Variants in BPNT2 observed in about 807,000 individuals in gnomAD.
The protein encoded by BPNT2 is 3'(2'), 5'-bisphosphate nucleotidase 2, also known as Golgi-resident adenosine 3',5'-bisphosphate 3'-phosphatase.
BPNT2 carries 11 observed loss-of-function variants against 29.3 expected under a neutral mutation model. The ratio of observed to expected loss-of-function variants is 0.38; its 90% CI spans 0.24 to 0.62. The LOEUF is 0.62. Ranked by LOEUF, BPNT2 falls within the 20% of genes least tolerant of loss-of-function variation. BPNT2 has a pLI of 0.62. For synonymous variants in BPNT2, 195 were observed against 187.7 expected, an observed-to-expected ratio of 1.04 and a Z score of -0.32; for missense variants, 459 against 473.4, an observed-to-expected ratio of 0.97 and a Z score of 0.28.
At chr8:56,988,019 C>G (rs1390594341) in intron 1 of BPNT2, among the ~76,000 whole-genome samples, 1 of 152,138 alleles carries the variant, frequency 6.6e-6, no homozygotes, top group Admixed American at 6.5e-5. Flanking sequence ...TGAGCCACCA[C>G]GCCAGGCCTC....
chr8:56,979,976 G>A, intron 2 of BPNT2, 59 bp downstream of exon 2: 1 of 1,526,382 alleles, frequency 6.6e-7, no homozygotes, highest in South Asian at 1.1e-5. Flanking sequence ...GTATGCCTTG[G>A]TTCTGGTTCT....
chr8:56,993,432 G>C lies in BPNT2; in HGVS notation c.154C>G (p.Pro52Ala), dbSNP rs745353531. Residue 52 changes from proline to alanine, a missense_variant, in exon 1 of 5, where the codon CCC (proline) becomes GCC (alanine). Transcript: ENST00000262644. The part of the protein sequence containing the change: ...GGEPGGGAAG[P>A]AAAADGGTVD... ...GTGCCCCCATCGGCCGCGGCCGCGG[G>C]CCCCGCCGCGCCGCCGCCAGGCTCG... is the stretch of plus-strand genomic sequence containing the variant. The C allele has an allele frequency of 2.7e-6, 4 of 1,478,372 alleles. No homozygotes were observed. In the African/African-American group the frequency reaches 5.9e-5, roughly 22 times the overall value. 91.6% of individuals were successfully genotyped at this position (1,478,372 alleles called of 1,614,324 possible).
chr8:56,991,601 G>C (rs1481284788), intron 1 of BPNT2, among the ~76,000 whole-genome samples: 1 of 152,172 alleles, frequency 6.6e-6, no homozygotes, highest in Non-Finnish European at 1.5e-5. Flanking sequence ...GTTCATATAA[G>C]CTGGAGTGTC....
chr8:56,992,338 C>G (rs1563413098), intron 1 of BPNT2, among the ~76,000 whole-genome samples: 1 of 152,144 alleles, frequency 6.6e-6, no homozygotes, highest in Non-Finnish European at 1.5e-5. Context: ...CTACGCTATG[C>G]TGAGCTCTTC....
chr8:56,983,653 C>T (rs1806282578), intron 1 of BPNT2, among the ~76,000 whole-genome samples: 1 of 152,112 alleles, frequency 6.6e-6, no homozygotes, highest in Non-Finnish European at 1.5e-5. Flanking sequence ...AAAGAAAAAC[C>T]AATCCATAAT....
At chr8:56,968,386 G>C (rs368046968) in intron 3 of BPNT2, among the ~76,000 whole-genome samples, 2 of 138,002 alleles carry the variant, frequency 1.4e-5, no homozygotes, top group African/African-American at 5.3e-5. Flanking sequence ...GAAAGTGATA[G>C]ATTAAAAAAA....
chr8:56,980,991 T>C (rs1806232503), intron 1 of BPNT2, among the ~76,000 whole-genome samples: 1 of 146,072 alleles, frequency 6.8e-6, no homozygotes, highest in African/African-American at 2.5e-5. Context: ...CAGATTCCTT[T>C]AAATTGAGAT....
chr8:56,992,989 G>A (rs1020837247), intron 1 of BPNT2, among the ~76,000 whole-genome samples: 3 of 152,084 alleles, frequency 2.0e-5, no homozygotes, highest in Non-Finnish European at 4.4e-5. Flanking sequence ...GACCCAGGAC[G>A]AGCCAAAAGG....
In BPNT2 at chr8:56,963,624, T is replaced by G; in HGVS notation, c.*169A>C. ...GAGACACAAAGCAACCCATTTTCCC[T>G]GATTTTGCATTCTATTACAGGGAAA... On this transcript the variant is annotated 3_prime_UTR_variant, in exon 5 of 5. Coordinates refer to ENST00000262644, the MANE Select transcript of BPNT2 (RefSeq NM_017813.5). 1 of 673,792 alleles carries G rather than the reference T, an allele frequency of 1.5e-6. No homozygotes were observed. Among genetic ancestry groups the G allele is most frequent in the Non-Finnish European group, 2.5e-6 (1 of 397,820 alleles). 41.7% of individuals were successfully genotyped at this position (673,792 alleles called of 1,614,324 possible). A position where few individuals can be genotyped will look rare whatever the true frequency, so the allele number is the denominator to read the frequency against.
At position 56,959,142 on chromosome 8, in the gene BPNT2, GA is replaced by G. The variant is rs1444384957; in HGVS notation, c.*4650del. 6.6e-5 allele frequency: 10 copies of G among 151,994 alleles called. No individual in the cohort carries two copies. The highest frequency in any genetic ancestry group is 6.5e-4 in the Admixed American group (10 of 15,268). The allele number at this position is 151,994 out of a possible 1,614,324, so 9.4% of individuals were successfully genotyped here. On this transcript the variant is annotated 3_prime_UTR_variant, in exon 5 of 5. Transcript: ENST00000262644. ...AAATTGTTAATTATGATACTTAAGG[GA>G]ACCCTTACAATATATAACAAGTCAT...
Position 56,957,999 on chromosome 8 carries a change from A to T in BPNT2, c.*5794T>A, listed in dbSNP as rs1167152890. ...TTGGCAAAGTATATCCGGGGCAGAG[A>T]GTTTGGGATAATTATGTCATTGGAA... On this transcript the variant is annotated 3_prime_UTR_variant, in exon 5 of 5. Transcript: ENST00000262644. 6.6e-6 allele frequency: 1 copy of T among 152,082 alleles called. No homozygotes were observed. The highest frequency in any genetic ancestry group is 2.4e-5 in the African/African-American group (1 of 41,410). The allele number at this position is 152,082 out of a possible 1,614,324, so 9.4% of individuals were successfully genotyped here.
intron 3 of BPNT2, among the ~76,000 whole-genome samples, chr8:56,966,888 A>G (rs1307975315): frequency 6.6e-6 from 1 of 152,236 alleles, no homozygotes; most frequent in African/African-American, 2.4e-5. Flanking sequence ...TTTGAATATT[A>G]GCTCAATCTC....
chr8:56,990,628 G>C (rs147831170), intron 1 of BPNT2, among the ~76,000 whole-genome samples: 26 of 152,268 alleles, frequency 1.7e-4, no homozygotes, highest in African/African-American at 6.0e-4. Flanking sequence ...AAATGGAGCA[G>C]ATAATTCTTC....
chr8:56,992,508 C>T (rs1403635743), intron 1 of BPNT2, among the ~76,000 whole-genome samples: 1 of 152,112 alleles, frequency 6.6e-6, no homozygotes, highest in Non-Finnish European at 1.5e-5. Context: ...CAGAAACCTA[C>T]CCAAAGAAAA....
rs1185903497 is a variant in BPNT2 at position 56,962,723 on chromosome 8, C to T, written c.*1070G>A. ...CTACAGAGTTTGGGTAGGCTAGATA[C>T]ATTTATTAATAGTAAAAGCAACCAT... On this transcript the variant is annotated 3_prime_UTR_variant, in exon 5 of 5. Coordinates refer to ENST00000262644, the MANE Select transcript of BPNT2 (RefSeq NM_017813.5). 1.3e-5 allele frequency: 2 copies of T among 151,970 alleles called. No homozygotes were observed. The highest frequency in any genetic ancestry group is 2.9e-5 in the Non-Finnish European group (2 of 68,004). 9.4% of individuals were successfully genotyped at this position (151,970 alleles called of 1,614,324 possible). A position where few individuals can be genotyped will look rare whatever the true frequency, so the allele number is the denominator to read the frequency against.
At position 56,963,260 on chromosome 8, in the gene BPNT2, T is replaced by A. The variant is rs1360434832; in HGVS notation, c.*533A>T. ...ATCAATTAAACTTTTTCTATTTTAA[T>A]CCATAGAAATATTCAGTAACATAAA... On this transcript the variant is annotated 3_prime_UTR_variant, in exon 5 of 5. Coordinates refer to ENST00000262644, the MANE Select transcript of BPNT2 (RefSeq NM_017813.5). 1.3e-5 allele frequency: 2 copies of A among 152,822 alleles called. No individual in the cohort carries two copies. Among genetic ancestry groups the A allele is most frequent in the African/African-American group, 4.8e-5 (2 of 41,448 alleles). The allele number at this position is 152,822 out of a possible 1,614,324, so 9.5% of individuals were successfully genotyped here.
At chr8:56,972,550 T>C (rs985670904) in intron 3 of BPNT2, among the ~76,000 whole-genome samples, 5 of 152,138 alleles carry the variant, frequency 3.3e-5, no homozygotes, top group Admixed American at 2.0e-4. Context: ...ATGCAGCTAT[T>C]ATGTGGGTAT....
intron 2 of BPNT2, 119 bp downstream of exon 2, chr8:56,979,915 TA>T: frequency 1.1e-6 from 1 of 918,488 alleles, no homozygotes; most frequent in Non-Finnish European, 1.7e-6. Context: ...CTACTACTGT[TA>T]AAAATGCTTC....
At chr8:56,964,402 G>T (rs774193331) in intron 4 of BPNT2, 1 of 223,166 alleles carries the variant, frequency 4.5e-6, no homozygotes, top group Admixed American at 5.4e-5. Context: ...GGGTTCAAGC[G>T]ATTCTCCTGC....
Sources: gnomAD v4.1 joint callset for allele counts (sites outside exome capture counted in the v4.1 genomes callset) on GRCh38, gnomAD v4.1.1 for gene constraint, MANE v1.5 for transcripts, NCBI Gene and HGNC (gene_info 2026-07-23, HGNC 2026-07-21) for gene names.